The following TESK2 variants were observed in gnomAD, a reference collection of about 807,000 sequenced individuals.
TESK2 encodes the protein testis associated actin remodelling kinase 2, also known as dual specificity testis-specific protein kinase 2.
A neutral mutation model predicts 57.1 loss-of-function variants in TESK2; 39 were observed. That is an observed-to-expected ratio of 0.68 (90% CI 0.53 to 0.89). TESK2 has a LOEUF of 0.89. TESK2 is among the 40% of genes least tolerant of loss of function. The pLI is 0.00. For missense variants in TESK2, 646 were observed against 732.1 expected, an observed-to-expected ratio of 0.88 and a Z score of 1.36; for synonymous variants, 249 against 267.9, an observed-to-expected ratio of 0.93 and a Z score of 0.69.
intron 1 of TESK2, among the ~76,000 whole-genome samples, chr1:45,468,198 A>C (rs1652633164): frequency 2.6e-5 from 4 of 151,836 alleles, no homozygotes; most frequent in South Asian, 2.1e-4. Context: ...AAAATTAGAG[A>C]GCTCATAACA....
chr1:45,355,266 T>C (rs1570642195), intron 5 of TESK2, 37 bp downstream of exon 5: 3 of 1,605,098 alleles, frequency 1.9e-6, no homozygotes, highest in Non-Finnish European at 1.7e-6. Flanking sequence ...AGAAGGGTGG[T>C]ATCTCTCAAT....
chr1:45,439,964 CT>C (rs532183676), intron 2 of TESK2, among the ~76,000 whole-genome samples: 11,709 of 144,346 alleles, frequency 0.081, 550 homozygotes, highest in Non-Finnish European at 0.11. Context: ...CCCACTGCCA[CT>C]TTTTTTTTTT....
chr1:45,476,763 C>T (rs1208936004), intron 1 of TESK2, among the ~76,000 whole-genome samples: 1 of 151,888 alleles, frequency 6.6e-6, no homozygotes, highest in Non-Finnish European at 1.5e-5. Context: ...AGGAGAATTG[C>T]TTGAACATGG....
chr1:45,443,125 A>AT (rs138126868), intron 2 of TESK2, among the ~76,000 whole-genome samples: 37,291 of 151,852 alleles, frequency 0.25, 4,729 homozygotes, highest in East Asian at 0.36. Context: ...AAAAGAGGAG[A>AT]TTTTCTGTAA....
intron 2 of TESK2, among the ~76,000 whole-genome samples, chr1:45,425,858 A>G (rs1006504067): frequency 2.0e-5 from 3 of 152,046 alleles, no homozygotes; most frequent in African/African-American, 7.2e-5. Flanking sequence ...AAAGAAAAAA[A>G]GCTGGGCCGG....
At chr1:45,351,553 ATCT>A (rs1189461569) in intron 5 of TESK2, among the ~76,000 whole-genome samples, 16 of 152,236 alleles carry the variant, frequency 1.1e-4, no homozygotes, top group African/African-American at 2.7e-4. Context: ...GGAAAAAGGC[ATCT>A]TCTTCTCTCT....
At chr1:45,363,923 C>A (rs558988261) in intron 4 of TESK2, among the ~76,000 whole-genome samples, 1 of 151,952 alleles carries the variant, frequency 6.6e-6, no homozygotes, top group Admixed American at 6.6e-5. Context: ...GTGCCTAACC[C>A]ACAGAGTTGT....
chr1:45,347,287 C>T lies in TESK2; in HGVS notation c.709-225G>A, dbSNP rs1392005270. ...AGAGTGGATTCTAGGGAGAATCAGC[C>T]GAGCGCGATGGCTCATGCCTGTAAT... On this transcript the variant is annotated intron_variant, in intron 7 of 10. Transcript: ENST00000372086. Among the ~76,000 whole-genome samples the T allele has an allele frequency of 3.3e-5, 5 of 152,198 alleles. No individual in the cohort carries two copies. The East Asian group carries it at 5.8e-4, about 18-fold the overall frequency.
intron 2 of TESK2, among the ~76,000 whole-genome samples, chr1:45,432,089 T>C (rs1650989204): frequency 1.3e-5 from 2 of 151,376 alleles, no homozygotes; most frequent in African/African-American, 4.9e-5. Flanking sequence ...CTACAAAAAA[T>C]ACAAAAAACG....
chr1:45,457,305 CAT>C (rs72387598), intron 2 of TESK2, among the ~76,000 whole-genome samples: 36,506 of 151,954 alleles, frequency 0.24, 4,507 homozygotes, highest in East Asian at 0.35. Flanking sequence ...TACATACACA[CAT>C]GTGTGGCTGG....
intron 3 of TESK2, among the ~76,000 whole-genome samples, chr1:45,395,829 T>G (rs756983316): frequency 1.3e-5 from 2 of 152,108 alleles, no homozygotes; most frequent in Non-Finnish European, 2.9e-5. Flanking sequence ...ATCACATGCC[T>G]TATAACTTTT....
intron 4 of TESK2, among the ~76,000 whole-genome samples, chr1:45,378,547 T>G (rs1648527170): frequency 6.6e-6 from 1 of 152,146 alleles, no homozygotes; most frequent in Non-Finnish European, 1.5e-5. Context: ...TGGCACCAGA[T>G]ATGCAAATGA....
At chr1:45,434,959 C>CT (rs60515365) in intron 2 of TESK2, among the ~76,000 whole-genome samples, 54,295 of 140,372 alleles carry the variant, frequency 0.39, 10,610 homozygotes, top group Middle Eastern at 0.49. Flanking sequence ...ACTTTTCTTT[C>CT]TTTTTTTTTT....
At chr1:45,437,770 A>G (rs1389464462) in intron 2 of TESK2, among the ~76,000 whole-genome samples, 1 of 152,194 alleles carries the variant, frequency 6.6e-6, no homozygotes, top group East Asian at 1.9e-4. Context: ...GTTGAATTTT[A>G]TAAAATACTT....
Position 45,346,118 on chromosome 1 carries a change from C to G in TESK2, c.880-124G>C. Reference sequence around the variant, plus strand: ...CAGCTGAGAGACCTTTTCTAAAGGCCCCAGACAATGAAGGTGATCCCTACA... The same window carrying G: ...CAGCTGAGAGACCTTTTCTAAAGGCGCCAGACAATGAAGGTGATCCCTACA... On this transcript the variant is annotated intron_variant, in intron 9 of 10. Coordinates refer to ENST00000372086, the MANE Select transcript of TESK2 (RefSeq NM_007170.3). The G allele has an allele frequency of 4.0e-6, 3 of 746,140 alleles. No individual in the cohort carries two copies. The South Asian group carries it at 4.9e-5, about 12-fold the overall frequency. The allele number at this position is 746,140 out of a possible 1,614,324, so 46.2% of individuals were successfully genotyped here. A position where few individuals can be genotyped will look rare whatever the true frequency, so the allele number is the denominator to read the frequency against.
intron 1 of TESK2, among the ~76,000 whole-genome samples, chr1:45,467,114 A>G (rs1326572899): frequency 6.6e-6 from 1 of 152,108 alleles, no homozygotes; most frequent in African/African-American, 2.4e-5. Context: ...ATACTAATAA[A>G]ATTTTGTTTC....
At chr1:45,432,855 C>A (rs1431773223) in intron 2 of TESK2, among the ~76,000 whole-genome samples, 2 of 145,762 alleles carry the variant, frequency 1.4e-5, no homozygotes, top group African/African-American at 5.0e-5. Context: ...TCTCCGCCTC[C>A]CAGGTTCAAG....
At chr1:45,347,133 C>T in intron 7 of TESK2, 71 bp from the exon 8 acceptor site, 1 of 1,350,724 alleles carries the variant, frequency 7.4e-7, no homozygotes, top group Non-Finnish European at 1.1e-6. Flanking sequence ...CTGCCCCTGC[C>T]TCCCCTGCAC....
intron 5 of TESK2, among the ~76,000 whole-genome samples, chr1:45,348,456 T>G (rs1647181547): frequency 6.6e-6 from 1 of 152,160 alleles, no homozygotes; most frequent in Non-Finnish European, 1.5e-5. Context: ...TGTCTAAGCC[T>G]TCACTAACCT....
Sources: gnomAD v4.1 joint callset for allele counts (sites outside exome capture counted in the v4.1 genomes callset) on GRCh38, gnomAD v4.1.1 for gene constraint, MANE v1.5 for transcripts, NCBI Gene and HGNC (gene_info 2026-07-23, HGNC 2026-07-21) for gene names.